YAE1: variants seen among roughly 807,000 people sequenced by gnomAD.
The protein encoded by YAE1 is YAE1 maturation factor of ABCE1, also known as protein YAE1 homolog.
A neutral mutation model predicts 23.0 loss-of-function variants in YAE1; 22 were observed. The observed-to-expected ratio is 0.96, with a 90% CI of 0.68 to 1.37. The LOEUF (loss-of-function observed/expected upper bound fraction) is 1.37, where lower values mean the gene tolerates loss of function less well. Ranked by LOEUF, YAE1 falls within the 40% of genes most tolerant of loss-of-function variation. The pLI is 0.00. For synonymous variants in YAE1, 101 were observed against 97.0 expected (o/e 1.04, Z -0.24); for missense variants, 260 against 262.1 (o/e 0.99, Z 0.06).
At chr7:39,577,886 C>A (rs1037779600) in intron 2 of YAE1, among the ~76,000 whole-genome samples, 2 of 152,222 alleles carry the variant, frequency 1.3e-5, no homozygotes, top group Non-Finnish European at 2.9e-5. Context: ...ACTTGGAGAA[C>A]CTTTATGTCT....
rs140506496 is a variant in YAE1, at chr7:39,599,649, A to G, written c.252-9968A>G. ...TTATAGTAAGTTAATTAACTCTCAT[A>G]GTAAGTTAGTAGAGACCAGTAGACA... On this transcript the variant is annotated intron_variant, in intron 2 of 2. Coordinates refer to the YAE1 transcript ENST00000432096. Among the ~76,000 whole-genome samples the G allele has an allele frequency of 5.3e-3, 803 of 152,106 alleles. 9 individuals are homozygous for G. Among genetic ancestry groups the G allele is most frequent in the African/African-American group, 0.019 (777 of 41,548 alleles).
chr7:39,596,448 G>C (rs185521462), intron 2 of YAE1, among the ~76,000 whole-genome samples: 1 of 151,962 alleles, frequency 6.6e-6, no homozygotes, highest in Non-Finnish European at 1.5e-5. Context: ...ATGTTGGCCA[G>C]GCTGGTCTTG....
chr7:39,598,282 G>A (rs942767090), intron 2 of YAE1, among the ~76,000 whole-genome samples: 1 of 151,746 alleles, frequency 6.6e-6, no homozygotes, highest in African/African-American at 2.4e-5. Flanking sequence ...GCTAATTTTT[G>A]TATTTTTAGT....
rs545894597 is a variant in YAE1 at position 39,596,642 on chromosome 7, C to A, written c.252-12975C>A. Reference sequence around the variant, plus strand: ...TTACCTCACTCCCTGACTCAGGCACCATTTTCTGTGCTCCCTGTGCATATT... The same window carrying A: ...TTACCTCACTCCCTGACTCAGGCACAATTTTCTGTGCTCCCTGTGCATATT... On this transcript the variant is annotated intron_variant, in intron 2 of 2. Coordinates refer to the YAE1 transcript ENST00000432096. 4.6e-5 allele frequency among the ~76,000 whole-genome samples: 7 copies of A among 152,266 alleles called. No homozygotes were observed. The South Asian group carries it at 1.5e-3, about 32-fold the overall frequency.
Position 39,572,872 on chromosome 7 carries a change from A to G in YAE1, c.*166A>G, listed in dbSNP as rs1790595937. ...CAAAATTAACACTATTAAATGTAAT[A>G]TAAGCCTTTTTTCTTTGTCACTGGT... On this transcript the variant is annotated 3_prime_UTR_variant, in exon 3 of 3. Transcript: ENST00000223273. 5 of 1,284,640 alleles carry G rather than the reference A, an allele frequency of 3.9e-6. No individual in the cohort carries two copies. The highest frequency in any genetic ancestry group is 4.9e-6 in the Non-Finnish European group (5 of 1,013,848). The allele number at this position is 1,284,640 out of a possible 1,614,324, so 79.6% of individuals were successfully genotyped here. A position where few individuals can be genotyped will look rare whatever the true frequency, so the allele number is the denominator to read the frequency against.
In YAE1 at chr7:39,587,200, G is replaced by A. The variant is rs187114301; in HGVS notation, c.251+16573G>A. ...GCGTCCCAAGCAGCTGTTATTACAG[G>A]CATGCACCATCACACCCAACTAATT... On this transcript the variant is annotated intron_variant, in intron 2 of 2. Transcript: ENST00000432096. 5.3e-3 allele frequency among the ~76,000 whole-genome samples: 810 copies of A among 151,944 alleles called. 31 individuals carry two copies. The highest frequency in any genetic ancestry group is 7.5e-4 in the Non-Finnish European group (51 of 67,966).
chr7:39,583,116 T>C lies in YAE1; in HGVS notation c.251+12489T>C, dbSNP rs192969216. Among the ~76,000 whole-genome samples the C allele has an allele frequency of 5.3e-5, 8 of 152,328 alleles. No homozygotes were observed. In the East Asian group the frequency reaches 1.3e-3, roughly 26 times the overall value. ...CCCAAATGATCAACAATTTTAAAAA[T>C]TGAGTAAATTATTATAACATCCACT... is the stretch of plus-strand genomic sequence containing the variant. On this transcript the variant is annotated intron_variant, in intron 2 of 2. Transcript: ENST00000432096.
In YAE1 at chr7:39,572,373, T is replaced by C. The variant is rs777787685; in HGVS notation, c.348T>C (p.Tyr116=). The C allele has an allele frequency of 6.2e-7, 1 of 1,614,168 alleles. No homozygotes were observed. The highest frequency in any genetic ancestry group is 1.1e-5 in the South Asian group (1 of 91,082). ...LLDAVGQCEE[Y]VLKHLKSITP... Reference sequence around the variant, plus strand: ...ATGCAGTTGGCCAGTGTGAAGAGTATGTGCTCAAACATCTGAAATCAATCA... The same window carrying C: ...ATGCAGTTGGCCAGTGTGAAGAGTACGTGCTCAAACATCTGAAATCAATCA... Residue 116 remains tyrosine (Y), a synonymous_variant, in exon 3 of 3, where the codon TAT becomes TAC. Transcript: ENST00000223273.
At chr7:39,582,366 CT>C (rs1790758783) in intron 2 of YAE1, among the ~76,000 whole-genome samples, 1 of 152,044 alleles carries the variant, frequency 6.6e-6, no homozygotes. Flanking sequence ...GTTATTTTAA[CT>C]AACCATATAA....
At chr7:39,599,878 C>T (rs1225103570) in intron 2 of YAE1, among the ~76,000 whole-genome samples, 1 of 152,046 alleles carries the variant, frequency 6.6e-6, no homozygotes, top group Non-Finnish European at 1.5e-5. Flanking sequence ...CGTCAGCCAC[C>T]GTGCCCGGCC....
intron 2 of YAE1, among the ~76,000 whole-genome samples, chr7:39,577,901 A>G (rs1205125844): frequency 6.6e-6 from 1 of 152,172 alleles, no homozygotes; most frequent in Non-Finnish European, 1.5e-5. Flanking sequence ...ATGTCTAGCT[A>G]AGGGATTGTG....
intron 2 of YAE1, chr7:39,609,512 T>C: frequency 7.0e-7 from 1 of 1,424,982 alleles, no homozygotes; most frequent in Middle Eastern, 1.8e-4. Flanking sequence ...TCGTTATAAG[T>C]TTATCAGAAA....
downstream of YAE1, among the ~76,000 whole-genome samples, chr7:39,577,142 C>T (rs984732981): frequency 1.3e-5 from 2 of 152,170 alleles, no homozygotes; most frequent in African/African-American, 2.4e-5. Flanking sequence ...GTGATCCACC[C>T]GCCTTGGCCT....
chr7:39,581,402 A>G (rs1790740895), intron 2 of YAE1, among the ~76,000 whole-genome samples: 1 of 152,220 alleles, frequency 6.6e-6, no homozygotes, highest in Non-Finnish European at 1.5e-5. Flanking sequence ...AGCTTTTGCC[A>G]ATAAAGCAAA....
At chr7:39,585,290 C>T (rs1790799076) in intron 2 of YAE1, among the ~76,000 whole-genome samples, 1 of 152,064 alleles carries the variant, frequency 6.6e-6, no homozygotes, top group African/African-American at 2.4e-5. Flanking sequence ...TGTTGAAGCC[C>T]CAGTCCTCAG....
At chr7:39,607,703 C>T (rs558559514) in intron 2 of YAE1, among the ~76,000 whole-genome samples, 7 of 152,346 alleles carry the variant, frequency 4.6e-5, no homozygotes, top group Non-Finnish European at 1.0e-4. Context: ...TAGTCTCGCC[C>T]TGTTTCCCAG....
exon 3 of YAE1, chr7:39,609,974 T>C: frequency 6.6e-7 from 1 of 1,518,704 alleles, no homozygotes; most frequent in South Asian, 1.2e-5. Context: ...TTATCAGAGG[T>C]GGACACATTT....
chr7:39,577,321 G>A (rs1386915283), downstream of YAE1, among the ~76,000 whole-genome samples: 1 of 152,250 alleles, frequency 6.6e-6, no homozygotes, highest in East Asian at 1.9e-4. Flanking sequence ...GTGCCTCCTT[G>A]GCCTCAGCAC....
At position 39,570,826 on chromosome 7, in the gene YAE1, A is replaced by G. The variant is rs564797949; in HGVS notation, c.251+199A>G. On this transcript the variant is annotated intron_variant, in intron 2 of 2. Transcript: ENST00000223273. ...ATCTACTTTAATGTGTGAACTACAT[A>G]TTGTCTTTTCGTGCAAAGAAATGGT... 2.1e-5 allele frequency: 12 copies of G among 572,690 alleles called. No individual in the cohort carries two copies. In the South Asian group the frequency reaches 3.7e-4, roughly 18 times the overall value. 35.5% of individuals were successfully genotyped at this position (572,690 alleles called of 1,614,324 possible).
Sources: allele counts gnomAD v4.1 joint callset (sites outside exome capture counted in the v4.1 genomes callset), GRCh38; gene constraint gnomAD v4.1.1; transcripts MANE v1.5; gene names NCBI Gene and HGNC (gene_info 2026-07-23, HGNC 2026-07-21).